The following TRPC5 variants were observed in gnomAD, a reference collection of about 807,000 sequenced individuals.
The protein encoded by TRPC5 is transient receptor potential cation channel subfamily C member 5.
TRPC5 carries 9 observed loss-of-function variants against 56.5 expected under a neutral mutation model. The observed-to-expected ratio is 0.16, with a 90% CI of 0.10 to 0.28. The LOEUF (loss-of-function observed/expected upper bound fraction) is 0.28, where lower values mean the gene tolerates loss of function less well. TRPC5 is among the 10% of genes least tolerant of loss of function. TRPC5 has a pLI of 1.00. For synonymous variants in TRPC5, 282 were observed against 278.5 expected (o/e 1.01, Z -0.13); for missense variants, 469 against 748.9 (o/e 0.63, Z 4.36).
chrX:111,885,799 T>C (rs1395887073), intron 3 of TRPC5, among the ~76,000 whole-genome samples: 1 of 111,148 alleles, frequency 9.0e-6, no homozygotes, highest in African/African-American at 3.3e-5. Context: ...ACAAACTAAA[T>C]CAATAGGGCA....
chrX:111,969,034 A>T (rs779109087), intron 1 of TRPC5, among the ~76,000 whole-genome samples: 8 of 108,805 alleles, frequency 7.4e-5, no homozygotes, highest in South Asian at 3.9e-4. Context: ...AACAACAAAA[A>T]AAATAAATAA....
chrX:111,794,300 A>G (rs1161522662), intron 7 of TRPC5, among the ~76,000 whole-genome samples: 4 of 111,653 alleles, frequency 3.6e-5, no homozygotes, highest in Admixed American at 9.5e-5. Flanking sequence ...ACATTAATCT[A>G]TATGTCCATC....
At chrX:111,901,793 G>A in intron 3 of TRPC5, 1 of 948,123 alleles carries the variant, frequency 1.1e-6, no homozygotes. Context: ...TTGTCACCAA[G>A]AGTCCATTTG....
Position 111,822,622 on chromosome X carries a change from C to T in TRPC5, c.1896+12299G>A, listed in dbSNP as rs747511586. Among the ~76,000 whole-genome samples the T allele has an allele frequency of 1.6e-3, 174 of 112,120 alleles. 2 individuals carry two copies. The highest frequency in any genetic ancestry group is 4.9e-3 in the African/African-American group (151 of 30,852). ...ACAAGGACCCAGTCTGTCTTGTTCA[C>T]CTATCACCCTACTGTATCTCCACTG... On this transcript the variant is annotated intron_variant, in intron 7 of 10. Transcript: ENST00000262839.
At chrX:112,051,084 G>A (rs190491696) in intron 1 of TRPC5, among the ~76,000 whole-genome samples, 65 of 112,681 alleles carry the variant, frequency 5.8e-4, no homozygotes, top group African/African-American at 2.0e-3. Context: ...GTTCTTTGCT[G>A]GCTGGTTCAG....
At chrX:112,057,157 T>C (rs780812942) in intron 1 of TRPC5, among the ~76,000 whole-genome samples, 4 of 111,862 alleles carry the variant, frequency 3.6e-5, no homozygotes, top group African/African-American at 6.5e-5. Context: ...TAAAGCCTAA[T>C]TGCAAGGCAA....
intron 10 of TRPC5, among the ~76,000 whole-genome samples, chrX:111,777,325 GGCTCT>G (rs1945886769): frequency 1.8e-5 from 2 of 110,979 alleles, no homozygotes; most frequent in Non-Finnish European, 3.8e-5. Flanking sequence ...TTAGGACACT[GGCTCT>G]CAGGTGTCTG....
chrX:111,796,342 T>C (rs1921092592), intron 7 of TRPC5, among the ~76,000 whole-genome samples: 1 of 111,891 alleles, frequency 8.9e-6, no homozygotes, highest in South Asian at 3.7e-4. Flanking sequence ...CTTGGCTTCC[T>C]CAAGTACAGT....
intron 1 of TRPC5, among the ~76,000 whole-genome samples, chrX:112,035,958 C>CATAT (rs201536175): frequency 0.079 from 8,611 of 108,515 alleles, 373 homozygotes; most frequent in African/African-American, 0.14. Context: ...TACACACACA[C>CATAT]ATATATATAT....
At chrX:111,798,072 G>A (rs1410637539) in intron 7 of TRPC5, among the ~76,000 whole-genome samples, 1 of 111,574 alleles carries the variant, frequency 9.0e-6, no homozygotes, top group Non-Finnish European at 1.9e-5. Context: ...TATCCTGAAT[G>A]CATAAAATAT....
intron 3 of TRPC5, among the ~76,000 whole-genome samples, chrX:111,874,743 A>G (rs780056033): frequency 8.9e-6 from 1 of 112,644 alleles, no homozygotes; most frequent in South Asian, 3.7e-4. Flanking sequence ...AGGTGATCAA[A>G]CTATAGCCTC....
rs781718081 is a variant in TRPC5 at position 111,975,097 on chromosome X, A to T, written c.-21-22656T>A. ...AATCACTCATGTAAGAGTGACCTTG[A>T]TGCTCTGCACAAACAAGAAATGAAG... On this transcript the variant is annotated intron_variant, in intron 1 of 10. Transcript: ENST00000262839. 2.7e-5 allele frequency among the ~76,000 whole-genome samples: 3 copies of T among 111,139 alleles called. No individual in the cohort carries two copies. In the Admixed American group the frequency reaches 2.9e-4, roughly 11 times the overall value.
At position 111,803,411 on chromosome X, in the gene TRPC5, G is replaced by A. The variant is rs146105076; in HGVS notation, c.1897-21273C>T. Among the ~76,000 whole-genome samples, 410 of 112,179 alleles carry A rather than the reference G, an allele frequency of 3.7e-3. 2 individuals carry two copies. The highest frequency in any genetic ancestry group is 0.013 in the African/African-American group (393 of 30,897). On this transcript the variant is annotated intron_variant, in intron 7 of 10. Transcript: ENST00000262839. Reference sequence around the variant, plus strand: ...GGATCAAATTGTATTTCTCATTCTAGATCCTTGAGGAATTGTCACACTGTC... The same window carrying A: ...GGATCAAATTGTATTTCTCATTCTAAATCCTTGAGGAATTGTCACACTGTC...
At position 111,942,372 on chromosome X, in the gene TRPC5, A is replaced by T. The variant is rs181710830; in HGVS notation, c.378+9671T>A. On this transcript the variant is annotated intron_variant, in intron 2 of 10. Transcript: ENST00000262839. ...AATCATTTGCTGAAACTCTGTCATC[A>T]ATGAATTGTTCTAGATAGACACTAC... 1.1e-4 allele frequency among the ~76,000 whole-genome samples: 12 copies of T among 111,552 alleles called. No individual in the cohort carries two copies. In the East Asian group the frequency reaches 3.1e-3, roughly 29 times the overall value.
intron 7 of TRPC5, among the ~76,000 whole-genome samples, chrX:111,787,946 A>G (rs1382575113): frequency 8.9e-6 from 1 of 111,986 alleles, no homozygotes; most frequent in African/African-American, 3.3e-5. Context: ...AAAAAAGTCC[A>G]GTACCAGATG....
intron 6 of TRPC5, among the ~76,000 whole-genome samples, chrX:111,840,289 A>G (rs1436814915): frequency 4.4e-5 from 5 of 112,503 alleles, no homozygotes; most frequent in Admixed American, 1.9e-4. Flanking sequence ...AGCCTCCCAA[A>G]GTGTTGGAAT....
At chrX:111,809,208 C>G (rs1404109065) in intron 7 of TRPC5, among the ~76,000 whole-genome samples, 2 of 111,051 alleles carry the variant, frequency 1.8e-5, no homozygotes, top group Non-Finnish European at 3.8e-5. Context: ...TCATGTGCAG[C>G]ACAGCACCAG....
chrX:112,030,285 C>A (rs1929553508), intron 1 of TRPC5, among the ~76,000 whole-genome samples: 1 of 112,286 alleles, frequency 8.9e-6, no homozygotes, highest in Non-Finnish European at 1.9e-5. Flanking sequence ...ATACAATAAC[C>A]CTACAAGCTA....
At chrX:112,080,294 A>T (rs1930930355) in intron 1 of TRPC5, among the ~76,000 whole-genome samples, 1 of 110,281 alleles carries the variant, frequency 9.1e-6, no homozygotes, top group African/African-American at 3.3e-5. Context: ...TAACAGACGA[A>T]CCTGGGTGCT....
Sources: gnomAD v4.1 joint callset for allele counts (sites outside exome capture counted in the v4.1 genomes callset) on GRCh38, gnomAD v4.1.1 for gene constraint, MANE v1.5 for transcripts, NCBI Gene and HGNC (gene_info 2026-07-23, HGNC 2026-07-21) for gene names.